SLC66A2: variants seen among roughly 807,000 people sequenced by gnomAD.
SLC66A2 encodes the protein PQ loop repeat containing 1.
In SLC66A2, 23 loss-of-function variants were observed where a neutral mutation model predicts 25.5. The observed-to-expected ratio is 0.90, with a 90% CI of 0.65 to 1.28. The LOEUF is 1.28. Ranked by LOEUF, SLC66A2 falls within the 50% of genes most tolerant of loss-of-function variation. The pLI, the probability that SLC66A2 is intolerant of heterozygous loss-of-function variation, is 0.00. For missense variants in SLC66A2, 396 were observed against 373.1 expected, an observed-to-expected ratio of 1.06 and a Z score of -0.51; for synonymous variants, 193 against 166.5, an observed-to-expected ratio of 1.16 and a Z score of -1.23.
rs116376706 is a variant in SLC66A2 at position 79,911,846 on chromosome 18, G to A, written c.608+7338C>T. The stretch of plus-strand genomic sequence containing the variant: ...GGAGCAGGAAGGGGACAGGAGCAGG[G>A]AGGGGAACAGTAGCAGGAGGAGATG... On this transcript the variant is annotated intron_variant, in intron 5 of 5. Coordinates refer to ENST00000397778, the MANE Select transcript of SLC66A2 (RefSeq NM_025078.5). Among the ~76,000 whole-genome samples the A allele has an allele frequency of 1.9e-3, 271 of 139,542 alleles. 1 individual carries two copies. Among genetic ancestry groups the A allele is most frequent in the African/African-American group, 7.0e-3 (260 of 37,146 alleles). 91.5% of individuals were successfully genotyped at this position (139,542 alleles called of 152,430 possible). A position where few individuals can be genotyped will look rare whatever the true frequency, so the allele number is the denominator to read the frequency against.
intron 5 of SLC66A2, among the ~76,000 whole-genome samples, chr18:79,916,288 G>A (rs369885286): frequency 0.035 from 4,136 of 117,304 alleles, 440 homozygotes; most frequent in African/African-American, 0.12. Context: ...TGGTGCTCCC[G>A]TACCCGTGGT....
intron 4 of SLC66A2, among the ~76,000 whole-genome samples, chr18:79,920,057 T>G (rs554779835): frequency 9.4e-4 from 1 of 1,060 alleles, no homozygotes; most frequent in Non-Finnish European, 1.5e-3. Context: ...AGGAACCGAG[T>G]GAGAGGTCAA....
intron 2 of SLC66A2, chr18:79,945,330 G>A (rs2050890238): frequency 6.6e-6 from 1 of 152,482 alleles, no homozygotes. Flanking sequence ...GCAGAGGGAA[G>A]GGCAGAGAAA....
intron 5 of SLC66A2, among the ~76,000 whole-genome samples, chr18:79,912,021 G>T (rs1331621071): frequency 1.5e-5 from 2 of 137,834 alleles, no homozygotes; most frequent in Non-Finnish European, 3.1e-5. Flanking sequence ...GAGGACAGCA[G>T]CAGGAAGGGG....
intron 4 of SLC66A2, among the ~76,000 whole-genome samples, chr18:79,921,754 G>T (rs868045137): frequency 2.0e-4 from 13 of 63,646 alleles, no homozygotes; most frequent in Admixed American, 5.1e-4. Flanking sequence ...CAGGGTCAGA[G>T]GAGGAGAGAC....
chr18:79,918,200 A>AGT lies in SLC66A2; in HGVS notation c.608+982_608+983dup, dbSNP rs940008322. ...AGAGGTCTCTGAAAGCCCTCAAGAGAGTGCTGTGGCCCCTGGGCACCCGTT... is the reference window on the plus strand; with the variant it reads ...AGAGGTCTCTGAAAGCCCTCAAGAGAGTGTGCTGTGGCCCCTGGGCACCCGTT... On this transcript the variant is annotated intron_variant, in intron 5 of 5. Coordinates refer to ENST00000397778, the MANE Select transcript of SLC66A2 (RefSeq NM_025078.5). This position sits in a 1 kb window ranked among gnomAD's most constrained non-coding sequence, Gnocchi z 4.0. Among the ~76,000 whole-genome samples, 18 of 152,168 alleles carry AGT rather than the reference A, an allele frequency of 1.2e-4. No homozygotes were observed. The highest frequency in any genetic ancestry group is 2.6e-4 in the Non-Finnish European group (18 of 68,024).
At chr18:79,909,817 C>T (rs1220964646) in intron 5 of SLC66A2, among the ~76,000 whole-genome samples, 2 of 137,604 alleles carry the variant, frequency 1.5e-5, no homozygotes, top group Non-Finnish European at 3.1e-5. Context: ...CAAGAGTCCC[C>T]AACCTTCCCC....
intron 4 of SLC66A2, among the ~76,000 whole-genome samples, chr18:79,929,770 A>G (rs1429115359): frequency 3.9e-5 from 6 of 152,348 alleles, no homozygotes; most frequent in African/African-American, 1.4e-4. Context: ...TCTAAAAAAA[A>G]AGAACCAAGT....
Position 79,937,226 on chromosome 18 carries a change from G to A in SLC66A2, c.338-3204C>T, listed in dbSNP as rs540657776. Reference sequence around the variant, plus strand: ...TACCAGAGCTCCTTGGAGAAACGACGGATTCTAGGTCTGGGGCAGGAGATG... The same window carrying A: ...TACCAGAGCTCCTTGGAGAAACGACAGATTCTAGGTCTGGGGCAGGAGATG... On this transcript the variant is annotated intron_variant, in intron 3 of 5. Transcript: ENST00000397778. The surrounding 1 kb of genome is among the most constrained non-coding windows in gnomAD (Gnocchi z 5.4). 2.6e-5 allele frequency among the ~76,000 whole-genome samples: 4 copies of A among 152,272 alleles called. No individual in the cohort carries two copies. The highest frequency in any genetic ancestry group is 2.1e-4 in the South Asian group (1 of 4,828).
rs1568336385 is a variant in SLC66A2 at position 79,943,379 on chromosome 18, G to C, written c.287C>G (p.Thr96Ser). 6.2e-7 allele frequency: 1 copy of C among 1,614,090 alleles called. No homozygotes were observed. The highest frequency in any genetic ancestry group is 8.5e-7 in the Non-Finnish European group (1 of 1,180,038). Reference protein sequence around the residue: ...LTMLLMLKLCTEVRVANELNA... With the variant: ...LTMLLMLKLCSEVRVANELNA... ...GAGCTCGTTGGCCACACGGACCTCG[G>C]TGCACAGCTTCAGCATCAGCAGCAT... Residue 96 changes from threonine to serine, a missense_variant, in exon 3 of 6, where the codon ACC becomes AGC. Transcript: ENST00000397778.
rs1346395875 is a variant in SLC66A2 at position 79,903,548 on chromosome 18, G to A, written c.*428C>T. The A allele has an allele frequency of 4.5e-5, 8 of 178,590 alleles. No homozygotes were observed. Among genetic ancestry groups the A allele is most frequent in the Non-Finnish European group, 8.1e-5 (7 of 86,278 alleles). 11.1% of individuals were successfully genotyped at this position (178,590 alleles called of 1,614,324 possible). On this transcript the variant is annotated 3_prime_UTR_variant, in exon 6 of 6. Coordinates refer to ENST00000397778, the MANE Select transcript of SLC66A2 (RefSeq NM_025078.5). ...GCAGGGTGTCTGGCCAGGGTGTCAC[G>A]GGGTCGAGGGCTCCGCTCACAGGCC...
chr18:79,933,942 C>G, intron 4 of SLC66A2, 27 bp downstream of exon 4: 1 of 1,601,064 alleles, frequency 6.2e-7, no homozygotes, highest in East Asian at 2.2e-5. Flanking sequence ...GAACGTGCTG[C>G]GGACAGTGCA....
intron 5 of SLC66A2, among the ~76,000 whole-genome samples, chr18:79,916,169 T>C (rs141735628): frequency 0.073 from 2,774 of 38,190 alleles, 293 homozygotes; most frequent in East Asian, 0.37. Flanking sequence ...GTACCCGCAG[T>C]GCTCCCGTAC....
chr18:79,908,400 G>C (rs1463952230), intron 5 of SLC66A2, among the ~76,000 whole-genome samples: 1 of 151,426 alleles, frequency 6.6e-6, no homozygotes, highest in Admixed American at 6.6e-5. Flanking sequence ...ACTTCCTTCT[G>C]ACCTCCCTCG....
chr18:79,924,053 G>C (rs982485156), intron 4 of SLC66A2, among the ~76,000 whole-genome samples: 14 of 146,076 alleles, frequency 9.6e-5, no homozygotes, highest in Non-Finnish European at 1.8e-4. Flanking sequence ...AAAAAAAAAA[G>C]GCACTGGCGA....
Position 79,919,433 on chromosome 18 carries a change from G to A in SLC66A2, c.392-33C>T, listed in dbSNP as rs372882177. On this transcript the variant is annotated intron_variant, in intron 4 of 5. Transcript: ENST00000397778. Reference sequence around the variant, plus strand: ...GAGAGGGAGAAGCAGCCTCAGCACAGCTTAGGGTCCAGGTGAGGAGTCAAG... The same window carrying A: ...GAGAGGGAGAAGCAGCCTCAGCACAACTTAGGGTCCAGGTGAGGAGTCAAG... The A allele has an allele frequency of 1.8e-5, 29 of 1,585,616 alleles. No homozygotes were observed. In the African/African-American group the frequency reaches 3.6e-4, roughly 20 times the overall value.
At position 79,917,233 on chromosome 18, in the gene SLC66A2, C is replaced by A. The variant is rs1332734651; in HGVS notation, c.608+1951G>T. 6.6e-6 allele frequency among the ~76,000 whole-genome samples: 1 copy of A among 152,242 alleles called. No homozygotes were observed. The highest frequency in any genetic ancestry group is 2.4e-5 in the African/African-American group (1 of 41,470). ...CGGGTTTGAAGAGGATTCCCACGTCCCCCCAGCTGACGGGGCAGCCCCTGG... is the reference window on the plus strand; with the variant it reads ...CGGGTTTGAAGAGGATTCCCACGTCACCCCAGCTGACGGGGCAGCCCCTGG... On this transcript the variant is annotated intron_variant, in intron 5 of 5. Coordinates refer to ENST00000397778, the MANE Select transcript of SLC66A2 (RefSeq NM_025078.5). The surrounding 1 kb of genome is among the most constrained non-coding windows in gnomAD (Gnocchi z 6.0).
rs1192688604 is a variant in SLC66A2, at chr18:79,919,226, T to C, written c.566A>G (p.Gln189Arg). 1.2e-6 allele frequency: 2 copies of C among 1,613,060 alleles called. No homozygotes were observed. The highest frequency in any genetic ancestry group is 1.7e-6 in the Non-Finnish European group (2 of 1,180,018). ...VLTEAMLGVP[Q>R]LYRNHRHQST... ...CTGGTGGCGGTGGTTGCGGTAAAGC[T>C]GGGGCACACCCAGCATGGCTTCGGT... Residue 189 changes from glutamine (Q) to arginine (R), a missense_variant, in exon 5 of 6, where the codon CAG becomes CGG. Physicochemically the swap from Gln to Arg is conservative, Grantham distance 43 (BLOSUM62 1). Coordinates refer to ENST00000397778, the MANE Select transcript of SLC66A2 (RefSeq NM_025078.5).
chr18:79,935,341 G>A (rs1986976176), intron 3 of SLC66A2: 1 of 152,268 alleles, frequency 6.6e-6, no homozygotes, highest in Non-Finnish European at 1.5e-5. Context: ...TGCCTGGAAA[G>A]CAGTGTGATC....
Sources: gnomAD v4.1 joint callset for allele counts (sites outside exome capture counted in the v4.1 genomes callset) on GRCh38, gnomAD v4.1.1 for gene constraint, Gnocchi (gnomAD v3.1) non-coding constraint, MANE v1.5 for transcripts, NCBI Gene and HGNC (gene_info 2026-07-23, HGNC 2026-07-21) for gene names.